PMFBP1: variants seen among roughly 807,000 people sequenced by gnomAD.
PMFBP1 encodes the protein polyamine-modulated factor 1-binding protein 1.
PMFBP1 carries 131 observed loss-of-function variants against 137.8 expected under a neutral mutation model. That is an observed-to-expected ratio of 0.95 (90% CI 0.82 to 1.10). The LOEUF (loss-of-function observed/expected upper bound fraction) is 1.10, where lower values mean the gene tolerates loss of function less well. Ranked by LOEUF, PMFBP1 falls within the 50% of genes least tolerant of loss-of-function variation. The probability of loss-of-function intolerance (pLI) is 0.00; values close to 1 mark genes in which losing one functional copy is unlikely to be tolerated. For synonymous variants in PMFBP1, 490 were observed against 450.4 expected (o/e 1.09, Z -1.11); for missense variants, 1,199 against 1,175.4 (o/e 1.02, Z -0.29).
At chr16:72,119,809 G>A in intron 20 of PMFBP1, 42 bp downstream of exon 20, 1 of 1,601,122 alleles carries the variant, frequency 6.2e-7, no homozygotes, top group Non-Finnish European at 8.5e-7. Context: ...GTGATTTAAA[G>A]AAAAAAATCA....
the PMFBP1 span, among the ~76,000 whole-genome samples, chr16:72,218,253 C>CA: frequency 5.9e-5 from 9 of 152,144 alleles, no homozygotes; most frequent in South Asian, 2.1e-4. Flanking sequence ...GAATGTCCAG[C>CA]AAAAAATCAA....
At chr16:72,221,755 G>C in the PMFBP1 span, among the ~76,000 whole-genome samples, 1 of 152,206 alleles carries the variant, frequency 6.6e-6, no homozygotes, top group African/African-American at 2.4e-5. Context: ...AGCTGGCATT[G>C]AGACATAAAA....
intron 14 of PMFBP1, 37 bp downstream of exon 14, chr16:72,128,620 C>T (rs199557967): frequency 5.0e-6 from 8 of 1,613,816 alleles, no homozygotes; most frequent in African/African-American, 1.3e-5. Context: ...TCACAGGGTT[C>T]AAATTCCTCA....
At chr16:72,183,782 G>A in the PMFBP1 span, among the ~76,000 whole-genome samples, 10,805 of 152,084 alleles carry the variant, frequency 0.071, 471 homozygotes, top group Non-Finnish European at 0.1. Context: ...TCCAGCCACC[G>A]TCTTCTCTCT....
intron 2 of PMFBP1, 120 bp from the exon 3 acceptor site, chr16:72,165,036 C>T: frequency 9.0e-6 from 9 of 997,572 alleles, no homozygotes; most frequent in Non-Finnish European, 1.1e-5. Context: ...CAACCATTAG[C>T]TGTTATTACT....
chr16:72,132,655 G>T, intron 10 of PMFBP1, 93 bp downstream of exon 10: 1 of 1,567,428 alleles, frequency 6.4e-7, no homozygotes. Context: ...GAGGGCGAGG[G>T]GAAGTGGCCA....
At chr16:72,216,887 T>A in the PMFBP1 span, among the ~76,000 whole-genome samples, 1 of 152,118 alleles carries the variant, frequency 6.6e-6, no homozygotes, top group Non-Finnish European at 1.5e-5. Flanking sequence ...GCAGTATAAG[T>A]AGTAGTGAAG....
Position 72,126,046 on chromosome 16 carries a change from G to A in PMFBP1, c.2175C>T (p.Thr725=), listed in dbSNP as rs1281460191. Residue 725 remains threonine (T), a synonymous_variant, in exon 15 of 21, where the codon ACC becomes ACT. Coordinates refer to ENST00000237353, the MANE Select transcript of PMFBP1 (RefSeq NM_031293.3). ...LQKEKHYLQT[T]ITKEAYDALS... ...ATGCATCATAGGCTTCTTTGGTGAT[G>A]GTAGTCTGGAGATAGTGCTTCTCCT... 6.2e-6 allele frequency: 10 copies of A among 1,614,094 alleles called. No individual in the cohort carries two copies. The highest frequency in any genetic ancestry group is 7.6e-6 in the Non-Finnish European group (9 of 1,180,034).
Position 72,132,844 on chromosome 16 carries a change from C to T in PMFBP1, c.1351G>A (p.Asp451Asn), listed in dbSNP as rs761470750. ...TTGCACTCCGCCTCCTTGGACTTGT[C>T]CTGCTTAGCCTCCTTGACTGTCATT... ...LEMTVKEAKQDKSKEAECKAL... is the reference protein window; with the variant it reads ...LEMTVKEAKQNKSKEAECKAL... The change falls in exon 10 of 21, where the codon GAC becomes AAC. Residue 451 changes from aspartate (D) to asparagine (N), a missense_variant. By Grantham distance (23) the Asp-to-Asn change is conservative. Coordinates refer to ENST00000237353, the MANE Select transcript of PMFBP1 (RefSeq NM_031293.3). The T allele has an allele frequency of 1.2e-6, 2 of 1,614,212 alleles. No homozygotes were observed. Among genetic ancestry groups the T allele is most frequent in the Non-Finnish European group, 1.7e-6 (2 of 1,180,036 alleles).
chr16:72,216,049 C>G, the PMFBP1 span, among the ~76,000 whole-genome samples: 1 of 152,212 alleles, frequency 6.6e-6, no homozygotes, highest in Non-Finnish European at 1.5e-5. Flanking sequence ...TGAGTCCCGG[C>G]CAATGGCCCA....
chr16:72,198,122 T>A, the PMFBP1 span, among the ~76,000 whole-genome samples: 315 of 152,268 alleles, frequency 2.1e-3, 1 homozygote, highest in Admixed American at 3.5e-3. Context: ...TTTCCAAGCG[T>A]ATGACAGGCC....
At chr16:72,153,834 G>T (rs1243521540) in intron 4 of PMFBP1, among the ~76,000 whole-genome samples, 1 of 147,960 alleles carries the variant, frequency 6.8e-6, no homozygotes, top group Non-Finnish European at 1.5e-5. Flanking sequence ...GGATTTAATG[G>T]ACCTTATACC....
intron 3 of PMFBP1, among the ~76,000 whole-genome samples, chr16:72,160,577 G>A (rs183164442): frequency 2.2e-4 from 34 of 151,488 alleles, no homozygotes; most frequent in African/African-American, 7.3e-4. Context: ...AATCCCTAAT[G>A]ATTTTTTTTT....
chr16:72,204,918 A>T, the PMFBP1 span, among the ~76,000 whole-genome samples: 1 of 152,228 alleles, frequency 6.6e-6, no homozygotes, highest in Non-Finnish European at 1.5e-5. Flanking sequence ...AATTTTATTT[A>T]ATTTGAATTA....
At chr16:72,167,321 A>G (rs2043160200) in intron 2 of PMFBP1, among the ~76,000 whole-genome samples, 1 of 152,008 alleles carries the variant, frequency 6.6e-6, no homozygotes, top group Non-Finnish European at 1.5e-5. Flanking sequence ...TTACAGTTTA[A>G]TTAGGTTAAC....
the PMFBP1 span, among the ~76,000 whole-genome samples, chr16:72,237,534 T>C: frequency 6.6e-6 from 1 of 152,206 alleles, no homozygotes; most frequent in Admixed American, 6.5e-5. Context: ...TGTCTTTCCA[T>C]TTATTTAGGT....
chr16:72,174,512 C>T (rs745700778), upstream of PMFBP1, among the ~76,000 whole-genome samples: 5 of 152,102 alleles, frequency 3.3e-5, no homozygotes, highest in African/African-American at 4.8e-5. Context: ...TAGAGTATGC[C>T]GAGGTGTCAC....
downstream of PMFBP1, among the ~76,000 whole-genome samples, chr16:72,117,005 G>C (rs986547963): frequency 7.0e-6 from 1 of 141,862 alleles, no homozygotes; most frequent in Admixed American, 7.2e-5. Flanking sequence ...GATTCCATGT[G>C]AGTTTTAGGT....
chr16:72,176,305 T>C (rs217178), upstream of PMFBP1, among the ~76,000 whole-genome samples: 151,797 of 152,324 alleles, frequency 1, 75,636 homozygotes, highest in Middle Eastern at 1. Context: ...TAGGTGAAAA[T>C]GTCTCCCCCT....
Sources: allele counts gnomAD v4.1 joint callset (sites outside exome capture counted in the v4.1 genomes callset), GRCh38; gene constraint gnomAD v4.1.1; transcripts MANE v1.5; gene names NCBI Gene and HGNC (gene_info 2026-07-23, HGNC 2026-07-21).